The following SNTG1 variants were observed in gnomAD, a reference collection of about 807,000 sequenced individuals.
SNTG1 encodes syntrophin gamma 1.
SNTG1 carries 39 observed loss-of-function variants against 74.7 expected under a neutral mutation model. The ratio of observed to expected loss-of-function variants is 0.52; its 90% CI spans 0.40 to 0.68. The LOEUF (loss-of-function observed/expected upper bound fraction) is 0.68. SNTG1 is among the 30% of genes least tolerant of loss of function. SNTG1 has a pLI of 0.00. For synonymous variants in SNTG1, 254 were observed against 217.1 expected, an observed-to-expected ratio of 1.17 and a Z score of -1.49; for missense variants, 685 against 609.5, an observed-to-expected ratio of 1.12 and a Z score of -1.30.
chr8:50,083,986 C>G (rs758490468), intron 1 of SNTG1, among the ~76,000 whole-genome samples: 1 of 152,112 alleles, frequency 6.6e-6, no homozygotes, highest in Non-Finnish European at 1.5e-5. Context: ...AATTTAGAAC[C>G]TCTTTCAATT....
At position 50,796,035 on chromosome 8, in the gene SNTG1, G is replaced by A. The variant is rs564987289; in HGVS notation, c.*3206G>A. On this transcript the variant is annotated 3_prime_UTR_variant, in exon 19 of 19. Transcript: ENST00000642720. ...AGTCCATATTAGCCATGCAAAGAGA[G>A]AAATTTTCCTTTGGGTGCATTAGTT... The A allele has an allele frequency of 2.4e-3, 364 of 152,152 alleles. 5 individuals are homozygous for A. The highest frequency in any genetic ancestry group is 7.6e-3 in the African/African-American group (317 of 41,540). 9.4% of individuals were successfully genotyped at this position (152,152 alleles called of 1,614,324 possible).
At position 50,502,838 on chromosome 8, in the gene SNTG1, G is replaced by A; in HGVS notation, c.424G>A (p.Ala142Thr). 1.2e-6 allele frequency: 2 copies of A among 1,613,384 alleles called. No homozygotes were observed. Among genetic ancestry groups the A allele is most frequent in the Non-Finnish European group, 8.5e-7 (1 of 1,179,618 alleles). The change falls in exon 9 of 19, where the codon GCA becomes ACA. Residue 142 changes from alanine to threonine, a missense_variant. Physicochemically the swap from Ala to Thr is moderately conservative, Grantham distance 58. Transcript: ENST00000642720. ...TCTAACAGTGTCATTTTTAAAAAGA[G>A]CACCTGCTTTCCTCAAACTCCCATT... ...VTLTVSFLKR[A>T]PAFLKLPLNE...
chr8:50,280,548 A>C (rs2088382632), intron 2 of SNTG1, among the ~76,000 whole-genome samples: 1 of 152,208 alleles, frequency 6.6e-6, no homozygotes, highest in Non-Finnish European at 1.5e-5. Flanking sequence ...TTAGGGAGAC[A>C]GAAGACATCA....
chr8:50,236,450 A>ATTTTTTTT (rs56003219), intron 2 of SNTG1, among the ~76,000 whole-genome samples: 2 of 138,654 alleles, frequency 1.4e-5, no homozygotes, highest in Non-Finnish European at 3.0e-5. Flanking sequence ...TTAATTGTAA[A>ATTTTTTTT]TTTTTTTTTT....
intron 1 of SNTG1, among the ~76,000 whole-genome samples, chr8:50,051,329 C>A (rs533291008): frequency 2.0e-5 from 3 of 150,388 alleles, no homozygotes; most frequent in South Asian, 2.1e-4. Context: ...CATATAAGAT[C>A]GAAGTTTAAA....
At chr8:50,405,473 C>T (rs2092861230) in intron 4 of SNTG1, among the ~76,000 whole-genome samples, 1 of 151,892 alleles carries the variant, frequency 6.6e-6, no homozygotes, top group Admixed American at 6.6e-5. Flanking sequence ...TATTCATATC[C>T]TTTGTCTATT....
chr8:50,602,492 G>T (rs1051300538), intron 13 of SNTG1, among the ~76,000 whole-genome samples: 13 of 152,002 alleles, frequency 8.6e-5, no homozygotes, highest in Non-Finnish European at 1.6e-4. Context: ...TATTATTTTT[G>T]ATTGGTTTAT....
At chr8:50,739,088 C>T (rs2095536371) in intron 17 of SNTG1, among the ~76,000 whole-genome samples, 1 of 152,100 alleles carries the variant, frequency 6.6e-6, no homozygotes, top group Non-Finnish European at 1.5e-5. Flanking sequence ...TAAAGAGCTT[C>T]TGCACAGCGA....
intron 13 of SNTG1, among the ~76,000 whole-genome samples, chr8:50,648,654 A>C (rs2095125422): frequency 6.6e-6 from 1 of 152,152 alleles, no homozygotes; most frequent in Non-Finnish European, 1.5e-5. Flanking sequence ...TTATTAATAC[A>C]CATTGTATGA....
chr8:50,582,822 T>C (rs977692341), intron 12 of SNTG1, among the ~76,000 whole-genome samples: 1 of 152,130 alleles, frequency 6.6e-6, no homozygotes, highest in African/African-American at 2.4e-5. Context: ...GTTCTATGTT[T>C]TGGGTCATTC....
At chr8:50,011,554 G>T (rs1203274099) in intron 1 of SNTG1, among the ~76,000 whole-genome samples, 1 of 151,632 alleles carries the variant, frequency 6.6e-6, no homozygotes, top group African/African-American at 2.4e-5. Flanking sequence ...AAATTGATGG[G>T]TTGCAATCCA....
chr8:50,630,551 T>TA (rs372557470), intron 13 of SNTG1, among the ~76,000 whole-genome samples: 20 of 152,266 alleles, frequency 1.3e-4, no homozygotes, highest in African/African-American at 4.8e-4. Flanking sequence ...TAATGTGACT[T>TA]AACAGGTGTG....
intron 2 of SNTG1, among the ~76,000 whole-genome samples, chr8:50,350,333 C>T (rs1463511601): frequency 6.6e-6 from 1 of 152,176 alleles, no homozygotes; most frequent in African/African-American, 2.4e-5. Context: ...GCAGGCAGCT[C>T]CACCTGTGGC....
chr8:50,362,889 T>C (rs1335788377), intron 2 of SNTG1, among the ~76,000 whole-genome samples: 1 of 152,152 alleles, frequency 6.6e-6, no homozygotes, highest in African/African-American at 2.4e-5. Flanking sequence ...CATATAACTA[T>C]CACTGAAATC....
At chr8:50,253,023 G>T (rs2086710492) in intron 2 of SNTG1, among the ~76,000 whole-genome samples, 1 of 152,130 alleles carries the variant, frequency 6.6e-6, no homozygotes, top group Non-Finnish European at 1.5e-5. Flanking sequence ...AAACCCAAAA[G>T]AAAACAAGTG....
intron 13 of SNTG1, among the ~76,000 whole-genome samples, chr8:50,629,840 A>G (rs1188682470): frequency 6.6e-6 from 1 of 152,172 alleles, no homozygotes; most frequent in East Asian, 1.9e-4. Context: ...GATACATCTT[A>G]TAACCCAAAA....
rs540614347 is a variant in SNTG1, at chr8:50,624,030, A to G, written c.850-32879A>G. Among the ~76,000 whole-genome samples, 17 of 152,048 alleles carry G rather than the reference A, an allele frequency of 1.1e-4. No individual in the cohort carries two copies. In the South Asian group the frequency reaches 3.5e-3, roughly 32 times the overall value. On this transcript the variant is annotated intron_variant, in intron 13 of 18. Coordinates refer to ENST00000642720, the MANE Select transcript of SNTG1 (RefSeq NM_018967.5). ...TCATTTTTTCTATATTCTCCCTCTT[A>G]CAAATACTAATTCAATAAACAGGCT... is the stretch of plus-strand genomic sequence containing the variant.
rs1332780504 is a variant in SNTG1 at position 50,159,962 on chromosome 8, A to G, written c.-102-12599A>G. ...CCTCTCCTACTGAAAAATATACCCA[A>G]TTACCTAAGTTGGGCCCTTACCTGG... is the stretch of plus-strand genomic sequence containing the variant. On this transcript the variant is annotated intron_variant, in intron 1 of 18. Transcript: ENST00000642720. Among the ~76,000 whole-genome samples the G allele has an allele frequency of 2.6e-5, 4 of 152,150 alleles. No individual in the cohort carries two copies. In the South Asian group the frequency reaches 8.3e-4, roughly 31 times the overall value.
At chr8:50,107,788 T>A (rs1359880288) in intron 1 of SNTG1, among the ~76,000 whole-genome samples, 1 of 152,050 alleles carries the variant, frequency 6.6e-6, no homozygotes, top group East Asian at 1.9e-4. Context: ...TGACCTCAAG[T>A]GATCTGCCCA....
Sources: allele counts gnomAD v4.1 joint callset (sites outside exome capture counted in the v4.1 genomes callset), GRCh38; gene constraint gnomAD v4.1.1; transcripts MANE v1.5; gene names NCBI Gene and HGNC (gene_info 2026-07-23, HGNC 2026-07-21).